Variants in PRDM11 observed in about 807,000 individuals in gnomAD.
PRDM11 encodes PR/SET domain 11.
PRDM11 carries 20 observed loss-of-function variants against 97.8 expected under a neutral mutation model. The ratio of observed to expected loss-of-function variants is 0.20; its 90% confidence interval spans 0.14 to 0.30. PRDM11 has a LOEUF of 0.30. Ranked by LOEUF, PRDM11 falls within the 10% of genes least tolerant of loss-of-function variation. The pLI is 1.00. For synonymous variants in PRDM11, 599 were observed against 637.7 expected (o/e 0.94, Z 0.91); for missense variants, 1,139 against 1,555.2 (o/e 0.73, Z 4.50).
intron 5 of PRDM11, among the ~76,000 whole-genome samples, chr11:45,212,251 C>A (rs1271898932): frequency 6.6e-6 from 1 of 152,138 alleles, no homozygotes; most frequent in Non-Finnish European, 1.5e-5. Flanking sequence ...TAGAGCTGTT[C>A]CGTTGAGAGG....
intron 4 of PRDM11, among the ~76,000 whole-genome samples, chr11:45,192,424 T>C (rs935879103): frequency 4.6e-5 from 7 of 152,194 alleles, no homozygotes; most frequent in African/African-American, 1.7e-4. Flanking sequence ...TGTAGCTGTT[T>C]TATAAGTGCT....
Position 45,226,107 on chromosome 11 carries a change from C to T in PRDM11, c.1482C>T (p.Ser494=). 3 of 1,533,140 alleles carry T rather than the reference C, an allele frequency of 2.0e-6. No individual in the cohort carries two copies. Among genetic ancestry groups the T allele is most frequent in the African/African-American group, 1.4e-5 (1 of 73,090 alleles). The allele number at this position is 1,533,140 out of a possible 1,614,324, so 95.0% of individuals were successfully genotyped here. The change falls in exon 8 of 8, where the codon TCC becomes TCT. Residue 494 remains serine (S), a synonymous_variant. Coordinates refer to ENST00000683152, the MANE Select transcript of PRDM11 (RefSeq NM_001384648.1). ...NDMMTATDEP[S]KMSSATGRRI... is the part of the protein sequence containing the mutation. ...TGATGACAGCGACGGATGAGCCCTCCAAGATGTCATCGGCCACCGGGCGCC... is the reference window on the plus strand; with the variant it reads ...TGATGACAGCGACGGATGAGCCCTCTAAGATGTCATCGGCCACCGGGCGCC...
chr11:45,182,935 C>G lies in PRDM11; in HGVS notation c.298C>G (p.Pro100Ala). ...HGPPVFVSDT[P>A]VPVGIPDRAA... ...CCCCCCGGTGTTTGTGTCTGACACA[C>G]CGGTGCCCGTGGGCATCCCAGACCG... The change falls in exon 4 of 8, where the codon CCG becomes GCG. Residue 100 changes from proline (P) to alanine (A), a missense_variant. Coordinates refer to ENST00000683152, the MANE Select transcript of PRDM11 (RefSeq NM_001384648.1). The G allele has an allele frequency of 6.2e-7, 1 of 1,613,706 alleles. No individual in the cohort carries two copies. The highest frequency in any genetic ancestry group is 8.5e-7 in the Non-Finnish European group (1 of 1,179,862).
At chr11:45,146,304 G>C (rs1246062860), upstream of PRDM11, among the ~76,000 whole-genome samples, 1 of 152,216 alleles carries the variant, frequency 6.6e-6, no homozygotes, top group Non-Finnish European at 1.5e-5. Context: ...ACGCGACCGG[G>C]AGAGCCAGGG....
At chr11:45,148,911 G>A (rs2135680312) in intron 1 of PRDM11, among the ~76,000 whole-genome samples, 1 of 152,232 alleles carries the variant, frequency 6.6e-6, no homozygotes, top group South Asian at 2.1e-4. Flanking sequence ...ACCCACAGTG[G>A]CCAAAGGTGT....
chr11:45,198,456 A>C (rs372577965), intron 4 of PRDM11, among the ~76,000 whole-genome samples: 2 of 152,356 alleles, frequency 1.3e-5, no homozygotes, highest in East Asian at 1.9e-4. Context: ...GAATGGCTTC[A>C]CCAGTCATTC....
chr11:45,180,256 C>A (rs537516336), intron 1 of PRDM11, among the ~76,000 whole-genome samples: 1 of 152,338 alleles, frequency 6.6e-6, no homozygotes, highest in Non-Finnish European at 1.5e-5. Flanking sequence ...AGCGGGGAGT[C>A]CCTGGCATAA....
chr11:45,234,109 G>C lies in PRDM11; in HGVS notation c.*5950G>C, dbSNP rs963465219. On this transcript the variant is annotated 3_prime_UTR_variant, in exon 8 of 8. Transcript: ENST00000683152. ...TAGCCCGGGCCGGGCGGGGATGTCT[G>C]GGGGCCACGCGGGGGCACTGGTGCA... 7.2e-5 allele frequency: 11 copies of C among 152,352 alleles called. No homozygotes were observed. The highest frequency in any genetic ancestry group is 1.5e-5 in the Non-Finnish European group (1 of 68,150). 9.4% of individuals were successfully genotyped at this position (152,352 alleles called of 1,614,324 possible).
chr11:45,172,958 G>A (rs1473466558), intron 1 of PRDM11, among the ~76,000 whole-genome samples: 1 of 152,154 alleles, frequency 6.6e-6, no homozygotes, highest in African/African-American at 2.4e-5. Flanking sequence ...TCCTCTGCAG[G>A]ACATGGCTCC....
intron 1 of PRDM11, among the ~76,000 whole-genome samples, chr11:45,121,418 C>CATGA (rs761395864): frequency 7.2e-5 from 11 of 152,066 alleles, no homozygotes; most frequent in Non-Finnish European, 1.6e-4. Flanking sequence ...GTATGCTCCT[C>CATGA]ATTTCAAAGC....
chr11:45,136,679 C>T (rs910430651), intron 1 of PRDM11, among the ~76,000 whole-genome samples: 1 of 152,158 alleles, frequency 6.6e-6, no homozygotes, highest in South Asian at 2.1e-4. Context: ...ATTTTCCAAA[C>T]CTTATTAAAG....
chr11:45,200,544 C>G (rs989455237), intron 4 of PRDM11, among the ~76,000 whole-genome samples: 4 of 152,210 alleles, frequency 2.6e-5, no homozygotes. Context: ...TGCAGTGAAG[C>G]TGAAATTCTA....
At chr11:45,143,085 C>A (rs1590374855), upstream of PRDM11, among the ~76,000 whole-genome samples, 1 of 152,218 alleles carries the variant, frequency 6.6e-6, no homozygotes, top group South Asian at 2.1e-4. Context: ...TTCTTATTAG[C>A]AAGGAAGATG....
chr11:45,152,549 G>A (rs1157018150), intron 1 of PRDM11, among the ~76,000 whole-genome samples: 1 of 152,104 alleles, frequency 6.6e-6, no homozygotes. Context: ...TGTTACTTTT[G>A]TTCACTGCTG....
At chr11:45,161,098 T>G (rs911295521) in intron 1 of PRDM11, among the ~76,000 whole-genome samples, 11 of 151,792 alleles carry the variant, frequency 7.2e-5, no homozygotes, top group African/African-American at 2.7e-4. Flanking sequence ...AACCTCTCTG[T>G]GCCTTAGTTC....
chr11:45,158,670 G>C (rs1446109732), intron 1 of PRDM11, among the ~76,000 whole-genome samples: 1 of 152,154 alleles, frequency 6.6e-6, no homozygotes, highest in Non-Finnish European at 1.5e-5. Context: ...GGGCCTCCCT[G>C]ACGGGAGCTG....
rs1432652537 is a variant in PRDM11, at chr11:45,204,691, A to T, written c.487-20A>T. On this transcript the variant is annotated intron_variant, in intron 4 of 7. Coordinates refer to ENST00000683152, the MANE Select transcript of PRDM11 (RefSeq NM_001384648.1). Reference sequence around the variant, plus strand: ...ACCCCTCTAGAATGGCCCATCCTAGACTCTTTCTCTTTCTTCCAGATTGTG... The same window carrying T: ...ACCCCTCTAGAATGGCCCATCCTAGTCTCTTTCTCTTTCTTCCAGATTGTG... 3 of 1,603,892 alleles carry T rather than the reference A, an allele frequency of 1.9e-6. No homozygotes were observed. Among genetic ancestry groups the T allele is most frequent in the African/African-American group, 2.7e-5 (2 of 74,550 alleles).
intron 1 of PRDM11, among the ~76,000 whole-genome samples, chr11:45,160,957 A>T (rs1012405072): frequency 1.4e-4 from 21 of 152,112 alleles, no homozygotes; most frequent in African/African-American, 4.6e-4. Flanking sequence ...TTCTGCCCTC[A>T]TTCAAAGGCA....
chr11:45,228,406 T>A lies in PRDM11; in HGVS notation c.*247T>A, dbSNP rs562616994. ...TCTACAAAATTTGGCAGCTGCAACA[T>A]ACATGGCAACTCATTTTCACTCACA... On this transcript the variant is annotated 3_prime_UTR_variant, in exon 8 of 8. Coordinates refer to ENST00000683152, the MANE Select transcript of PRDM11 (RefSeq NM_001384648.1). 2 of 155,340 alleles carry A rather than the reference T, an allele frequency of 1.3e-5. No homozygotes were observed. Among genetic ancestry groups the A allele is most frequent in the Admixed American group, 1.3e-4 (2 of 15,338 alleles). The allele number at this position is 155,340 out of a possible 1,614,324, so 9.6% of individuals were successfully genotyped here.
Sources: gnomAD v4.1 joint callset for allele counts (sites outside exome capture counted in the v4.1 genomes callset) on GRCh38, gnomAD v4.1.1 for gene constraint, MANE v1.5 for transcripts, NCBI Gene and HGNC (gene_info 2026-07-23, HGNC 2026-07-21) for gene names.